TBC1D22A: variants seen among roughly 807,000 people sequenced by gnomAD.
The protein encoded by TBC1D22A is putative GTPase activator.
Under a neutral mutation model 60.2 loss-of-function variants are expected in TBC1D22A, and 38 were observed. The observed-to-expected ratio is 0.63, with a 90% CI of 0.49 to 0.83. TBC1D22A has a LOEUF of 0.83. Among genes scored for constraint, TBC1D22A ranks in the 40% least tolerant of loss-of-function variants. TBC1D22A has a pLI of 0.00. For synonymous variants in TBC1D22A, 302 were observed against 281.7 expected (o/e 1.07, Z -0.72); for missense variants, 628 against 701.0 (o/e 0.90, Z 1.18).
chr22:46,823,568 A>T (rs551022752), intron 4 of TBC1D22A, among the ~76,000 whole-genome samples: 1 of 152,318 alleles, frequency 6.6e-6, no homozygotes, highest in East Asian at 1.9e-4. Flanking sequence ...GCTGGGCAGG[A>T]TGCAGACTGC....
At chr22:46,848,389 G>GGCTC (rs2087116754) in intron 4 of TBC1D22A, among the ~76,000 whole-genome samples, 2 of 152,214 alleles carry the variant, frequency 1.3e-5, no homozygotes, top group African/African-American at 4.8e-5. Flanking sequence ...GGTGATTCTA[G>GGCTC]GCTCATGAAC....
At chr22:46,976,915 G>T (rs1171356467) in intron 9 of TBC1D22A, among the ~76,000 whole-genome samples, 1 of 152,226 alleles carries the variant, frequency 6.6e-6, no homozygotes, top group East Asian at 1.9e-4. Context: ...CAGGAAGAGG[G>T]TCTTCAAGGG....
At chr22:47,073,802 A>G (rs1040376106) in intron 11 of TBC1D22A, among the ~76,000 whole-genome samples, 1 of 152,160 alleles carries the variant, frequency 6.6e-6, no homozygotes, top group African/African-American at 2.4e-5. Context: ...ACACCACCCC[A>G]TGGGAGCTTT....
intron 11 of TBC1D22A, among the ~76,000 whole-genome samples, chr22:47,058,467 G>T (rs564718370): frequency 6.6e-6 from 1 of 152,070 alleles, no homozygotes; most frequent in Non-Finnish European, 1.5e-5. Flanking sequence ...CCTTGTGGTG[G>T]TTATGACCAC....
intron 10 of TBC1D22A, among the ~76,000 whole-genome samples, chr22:47,033,446 A>G (rs2062551871): frequency 6.6e-6 from 1 of 152,136 alleles, no homozygotes; most frequent in Non-Finnish European, 1.5e-5. Context: ...CTCTGTACTC[A>G]TTCGTTCATC....
At chr22:47,066,074 G>A (rs770479337) in intron 11 of TBC1D22A, among the ~76,000 whole-genome samples, 20 of 152,222 alleles carry the variant, frequency 1.3e-4, no homozygotes, top group Non-Finnish European at 1.0e-4. Context: ...ATCGAGGATC[G>A]TTAGGGAAGG....
intron 11 of TBC1D22A, among the ~76,000 whole-genome samples, chr22:47,080,202 G>A (rs2064405998): frequency 1.3e-5 from 2 of 152,190 alleles, no homozygotes; most frequent in South Asian, 4.1e-4. Flanking sequence ...CTCAGTCATT[G>A]ATGGCATGAA....
intron 11 of TBC1D22A, 93 bp downstream of exon 11, chr22:47,037,291 A>AT (rs1332696930): frequency 1.8e-5 from 27 of 1,537,576 alleles, no homozygotes; most frequent in Non-Finnish European, 2.3e-5. Flanking sequence ...GCTGCATTCG[A>AT]TTTTTTCTTC....
intron 4 of TBC1D22A, among the ~76,000 whole-genome samples, chr22:46,804,510 G>C (rs1246768545): frequency 6.6e-6 from 1 of 152,194 alleles, no homozygotes; most frequent in East Asian, 1.9e-4. Flanking sequence ...TTTATCTGCA[G>C]AGTGATCTGG....
intron 1 of TBC1D22A, among the ~76,000 whole-genome samples, chr22:46,787,925 C>T (rs1028119428): frequency 4.1e-5 from 6 of 146,872 alleles, no homozygotes; most frequent in African/African-American, 1.5e-4. Context: ...TGACTTTGGG[C>T]AGGCTACTTT....
chr22:47,037,117 G>C lies in TBC1D22A; in HGVS notation c.1248G>C (p.Gln416His). 1 of 1,614,026 alleles carries C rather than the reference G, an allele frequency of 6.2e-7. No individual in the cohort carries two copies. ...ACCAACACGAAGTGAGATACCTGCA[G>C]TTTGCCTTCCGCTGGATGAACAACC... ...HLDQHEVRYL[Q>H]FAFRWMNNLL... The change falls in exon 11 of 13, where the codon CAG (glutamine) becomes CAC (histidine). Residue 416 changes from glutamine to histidine, a missense_variant. By Grantham distance (24) the Gln-to-His change is conservative. Transcript: ENST00000337137.
intron 4 of TBC1D22A, among the ~76,000 whole-genome samples, chr22:46,867,162 G>T (rs987428721): frequency 3.9e-5 from 6 of 152,218 alleles, no homozygotes; most frequent in African/African-American, 1.4e-4. Flanking sequence ...ATGAAGAATA[G>T]ATATCAAAAC....
chr22:46,989,779 A>G (rs1367175677), intron 9 of TBC1D22A, among the ~76,000 whole-genome samples: 5 of 151,730 alleles, frequency 3.3e-5, no homozygotes, highest in African/African-American at 1.2e-4. Flanking sequence ...ACACACACAC[A>G]CACACACAAT....
At chr22:47,122,868 A>C (rs1287435071) in intron 12 of TBC1D22A, among the ~76,000 whole-genome samples, 1 of 152,180 alleles carries the variant, frequency 6.6e-6, no homozygotes, top group African/African-American at 2.4e-5. Context: ...CATTTGCTTC[A>C]TGAGAGGCCT....
intron 5 of TBC1D22A, among the ~76,000 whole-genome samples, chr22:46,888,533 C>T (rs2068234490): frequency 6.6e-6 from 1 of 152,306 alleles, no homozygotes; most frequent in South Asian, 2.1e-4. Context: ...GAGTGAACTT[C>T]CTGCTAGATG....
chr22:46,770,807 A>G (rs1238087401), intron 1 of TBC1D22A, among the ~76,000 whole-genome samples: 1 of 152,076 alleles, frequency 6.6e-6, no homozygotes, highest in Non-Finnish European at 1.5e-5. Flanking sequence ...TGTTTTGAAG[A>G]GATTGTTTAT....
chr22:46,829,622 T>C (rs2086221779), intron 4 of TBC1D22A, among the ~76,000 whole-genome samples: 1 of 152,228 alleles, frequency 6.6e-6, no homozygotes, highest in African/African-American at 2.4e-5. Context: ...TATGAAAGAC[T>C]GAGTCATAAA....
intron 11 of TBC1D22A, among the ~76,000 whole-genome samples, chr22:47,100,130 C>T (rs2065353305): frequency 1.3e-5 from 2 of 152,180 alleles, no homozygotes; most frequent in African/African-American, 4.8e-5. Context: ...GCTGCCTGGC[C>T]CATCCCTGCA....
At chr22:46,798,578 G>A (rs1054124101) in intron 4 of TBC1D22A, among the ~76,000 whole-genome samples, 1 of 152,254 alleles carries the variant, frequency 6.6e-6, no homozygotes, top group Non-Finnish European at 1.5e-5. Context: ...CTGAATCCAC[G>A]TCCTTCCTTT....
Sources: allele counts gnomAD v4.1 joint callset (sites outside exome capture counted in the v4.1 genomes callset), GRCh38; gene constraint gnomAD v4.1.1; transcripts MANE v1.5; gene names NCBI Gene and HGNC (gene_info 2026-07-23, HGNC 2026-07-21).